Variants in LDB2 observed in about 807,000 individuals in gnomAD.
LDB2 encodes LIM domain binding 2.
LDB2 carries 12 observed loss-of-function variants against 44.3 expected under a neutral mutation model. That is an observed-to-expected ratio of 0.27 (90% CI 0.17 to 0.44). LDB2 has a LOEUF of 0.44. Among genes scored for constraint, LDB2 ranks in the 20% least tolerant of loss-of-function variants. LDB2 has a pLI of 1.00. For synonymous variants in LDB2, 164 were observed against 174.8 expected (o/e 0.94, Z 0.49); for missense variants, 344 against 473.5 (o/e 0.73, Z 2.54).
intron 2 of LDB2, among the ~76,000 whole-genome samples, chr4:16,619,948 T>C (rs1728422357): frequency 6.6e-6 from 1 of 152,220 alleles, no homozygotes; most frequent in Non-Finnish European, 1.5e-5. Context: ...AACCATTTCA[T>C]CGGCACTTTA....
At chr4:16,680,961 G>A (rs1053285472) in intron 2 of LDB2, among the ~76,000 whole-genome samples, 11 of 152,162 alleles carry the variant, frequency 7.2e-5, no homozygotes, top group Non-Finnish European at 1.3e-4. Flanking sequence ...CAAGAAAATA[G>A]GATTGTGGTA....
chr4:16,849,230 A>C (rs140352487), intron 1 of LDB2, among the ~76,000 whole-genome samples: 83 of 152,204 alleles, frequency 5.5e-4, no homozygotes, highest in African/African-American at 1.8e-3. Context: ...TCTTCTCAAA[A>C]ATGTCTTTGT....
intron 2 of LDB2, among the ~76,000 whole-genome samples, chr4:16,668,965 C>T (rs1026144469): frequency 2.6e-5 from 4 of 152,150 alleles, no homozygotes; most frequent in African/African-American, 9.7e-5. Context: ...GGTTCCCACT[C>T]GTCTAACTTG....
At chr4:16,743,825 C>T (rs1248502698) in intron 2 of LDB2, among the ~76,000 whole-genome samples, 1 of 152,208 alleles carries the variant, frequency 6.6e-6, no homozygotes, top group East Asian at 1.9e-4. Context: ...CACCCAGCAA[C>T]CTAGCCTGGA....
chr4:16,805,600 GA>G (rs1778633131), intron 1 of LDB2, among the ~76,000 whole-genome samples: 1 of 152,184 alleles, frequency 6.6e-6, no homozygotes, highest in African/African-American at 2.4e-5. Flanking sequence ...AGGTGAAGCT[GA>G]TGGGTATGAG....
At chr4:16,714,802 C>T (rs1343320694) in intron 2 of LDB2, among the ~76,000 whole-genome samples, 2 of 152,078 alleles carry the variant, frequency 1.3e-5, no homozygotes, top group Non-Finnish European at 1.5e-5. Flanking sequence ...ACACATCACC[C>T]TAATCCCTGT....
At chr4:16,681,363 T>C (rs1356516964) in intron 2 of LDB2, among the ~76,000 whole-genome samples, 2 of 152,148 alleles carry the variant, frequency 1.3e-5, no homozygotes, top group African/African-American at 4.8e-5. Flanking sequence ...ACAATCTGAA[T>C]GAGCTTGCAA....
At chr4:16,535,121 T>C (rs1045691226) in intron 5 of LDB2, among the ~76,000 whole-genome samples, 1 of 152,142 alleles carries the variant, frequency 6.6e-6, no homozygotes, top group Non-Finnish European at 1.5e-5. Flanking sequence ...TCAGCTGCTG[T>C]GATTGCGTGA....
At chr4:16,659,361 G>C (rs1369558619) in intron 2 of LDB2, among the ~76,000 whole-genome samples, 2 of 152,042 alleles carry the variant, frequency 1.3e-5, no homozygotes. Context: ...TCTTGGCATG[G>C]CCTCACCACT....
At chr4:16,863,130 G>C (rs1713306960) in intron 1 of LDB2, among the ~76,000 whole-genome samples, 1 of 152,162 alleles carries the variant, frequency 6.6e-6, no homozygotes, top group Non-Finnish European at 1.5e-5. Context: ...TTGATGTATT[G>C]ACTAATGATT....
chr4:16,837,464 G>A (rs763417368), intron 1 of LDB2, among the ~76,000 whole-genome samples: 3 of 152,144 alleles, frequency 2.0e-5, no homozygotes, highest in African/African-American at 7.2e-5. Flanking sequence ...CTCTTCCCAC[G>A]TTGACTCTGG....
At chr4:16,604,696 C>T (rs1723462076) in intron 2 of LDB2, among the ~76,000 whole-genome samples, 1 of 151,878 alleles carries the variant, frequency 6.6e-6, no homozygotes, top group African/African-American at 2.4e-5. Context: ...GAAAAACAAA[C>T]TATTATCCTA....
At chr4:16,745,722 GA>G (rs2109056968) in intron 2 of LDB2, among the ~76,000 whole-genome samples, 2 of 152,230 alleles carry the variant, frequency 1.3e-5, no homozygotes, top group Non-Finnish European at 2.9e-5. Context: ...ACTACAATAA[GA>G]AAAACAGGCT....
chr4:16,801,178 G>A (rs1777755294), intron 1 of LDB2, among the ~76,000 whole-genome samples: 1 of 152,120 alleles, frequency 6.6e-6, no homozygotes, highest in African/African-American at 2.4e-5. Context: ...CCTCCAACCC[G>A]TCTTCAGTTC....
At chr4:16,731,347 G>A (rs1760710146) in intron 2 of LDB2, among the ~76,000 whole-genome samples, 1 of 152,184 alleles carries the variant, frequency 6.6e-6, no homozygotes, top group African/African-American at 2.4e-5. Flanking sequence ...GTGTCCTTCA[G>A]AATTCGTATG....
rs934057453 is a variant in LDB2 at position 16,813,996 on chromosome 4, C to T, written c.133-54736G>A. On this transcript the variant is annotated intron_variant, in intron 1 of 7. Coordinates refer to ENST00000304523, the MANE Select transcript of LDB2 (RefSeq NM_001290.5). ...AGGCCATTCTCCTGCCTCAGCCTCC[C>T]GAGTAGCTGGGACTACAGGCGCCCA... Among the ~76,000 whole-genome samples, 8 of 151,848 alleles carry T rather than the reference C, an allele frequency of 5.3e-5. No homozygotes were observed. The East Asian group carries it at 7.7e-4, about 15-fold the overall frequency.
At chr4:16,664,928 T>C (rs1383105993) in intron 2 of LDB2, among the ~76,000 whole-genome samples, 4 of 152,236 alleles carry the variant, frequency 2.6e-5, no homozygotes, top group African/African-American at 7.2e-5. Context: ...AAAGCTCCTA[T>C]GGAAGGACAA....
intron 2 of LDB2, among the ~76,000 whole-genome samples, chr4:16,635,773 T>G (rs970816623): frequency 6.6e-6 from 1 of 152,210 alleles, no homozygotes; most frequent in Non-Finnish European, 1.5e-5. Context: ...TACTCCACCC[T>G]CCTATATGTG....
At chr4:16,784,650 A>G (rs1271284768) in intron 1 of LDB2, among the ~76,000 whole-genome samples, 1 of 152,154 alleles carries the variant, frequency 6.6e-6, no homozygotes, top group Non-Finnish European at 1.5e-5. Context: ...CAAGTCATCA[A>G]AGTCTAGAGT....
Sources: allele counts gnomAD v4.1 joint callset (sites outside exome capture counted in the v4.1 genomes callset), GRCh38; gene constraint gnomAD v4.1.1; transcripts MANE v1.5; gene names NCBI Gene and HGNC (gene_info 2026-07-23, HGNC 2026-07-21).